Variants in GPM6A observed in about 807,000 individuals in gnomAD.
The protein encoded by GPM6A is glycoprotein M6A.
In GPM6A, 7 loss-of-function variants were observed where a neutral mutation model predicts 32.1. That is an observed-to-expected ratio of 0.22 (90% CI 0.12 to 0.41). GPM6A has a LOEUF of 0.41. GPM6A is among the 10% of genes least tolerant of loss of function. The probability of loss-of-function intolerance (pLI) is 1.00; values close to 1 mark genes in which losing one functional copy is unlikely to be tolerated. For synonymous variants in GPM6A, 130 were observed against 123.4 expected, an observed-to-expected ratio of 1.05 and a Z score of -0.35; for missense variants, 235 against 347.2, an observed-to-expected ratio of 0.68 and a Z score of 2.57.
intron 2 of GPM6A, among the ~76,000 whole-genome samples, chr4:175,681,211 A>C (rs78000018): frequency 1.2e-4 from 18 of 152,160 alleles, no homozygotes; most frequent in African/African-American, 3.4e-4. Context: ...TTGTATTCCA[A>C]CCAGCAGTAT....
intron 2 of GPM6A, among the ~76,000 whole-genome samples, chr4:175,695,553 C>CGAAA (rs948891799): frequency 2.0e-5 from 3 of 152,232 alleles, no homozygotes; most frequent in African/African-American, 7.2e-5. Flanking sequence ...TAGCCCCTTT[C>CGAAA]TTTCAGCTTT....
chr4:175,637,317 A>AT (rs1740755326), intron 6 of GPM6A, among the ~76,000 whole-genome samples: 1 of 85,030 alleles, frequency 1.2e-5, no homozygotes, highest in South Asian at 3.6e-4. Flanking sequence ...TATATAATAT[A>AT]AAATATATAT....
chr4:175,999,944 T>C (rs1414536693), intron 1 of GPM6A, among the ~76,000 whole-genome samples: 1 of 152,152 alleles, frequency 6.6e-6, no homozygotes, highest in Non-Finnish European at 1.5e-5. Context: ...AGAGGAGAGA[T>C]ATGGCCTTAA....
At chr4:175,782,388 A>G (rs1214434018) in intron 1 of GPM6A, among the ~76,000 whole-genome samples, 3 of 152,112 alleles carry the variant, frequency 2.0e-5, no homozygotes, top group Non-Finnish European at 4.4e-5. Flanking sequence ...AGTCACCCTT[A>G]TGCAGAATCT....
intron 1 of GPM6A, among the ~76,000 whole-genome samples, chr4:175,849,565 C>A (rs1417153088): frequency 1.3e-5 from 2 of 151,820 alleles, no homozygotes; most frequent in Non-Finnish European, 2.9e-5. Flanking sequence ...TCTAGACTGC[C>A]CAGATTAACA....
chr4:175,995,526 G>A (rs1451505951), intron 1 of GPM6A, among the ~76,000 whole-genome samples: 1 of 152,114 alleles, frequency 6.6e-6, no homozygotes, highest in Non-Finnish European at 1.5e-5. Flanking sequence ...TTGAAAGAAA[G>A]GCATTCTGGA....
intron 1 of GPM6A, chr4:175,806,224 G>A (rs373259728): frequency 6.6e-6 from 1 of 152,292 alleles, no homozygotes; most frequent in East Asian, 1.9e-4. Flanking sequence ...AATCTCTCAT[G>A]AGCCATTGTC....
intron 1 of GPM6A, among the ~76,000 whole-genome samples, chr4:175,720,815 C>A (rs1056806044): frequency 6.6e-6 from 1 of 151,780 alleles, no homozygotes; most frequent in African/African-American, 2.4e-5. Flanking sequence ...GCAAGAGAAC[C>A]AAAAGATGGA....
At position 175,725,798 on chromosome 4, in the gene GPM6A, A is replaced by G. The variant is rs759843164; in HGVS notation, c.38-24031T>C. On this transcript the variant is annotated intron_variant, in intron 1 of 6. Transcript: ENST00000393658. ...TTGAATCAATATAGAAAAAATTTGT[A>G]TGCTATTTTGCATTTTAATAATTTA... is the stretch of plus-strand genomic sequence containing the variant. Among the ~76,000 whole-genome samples, 2 of 152,140 alleles carry G rather than the reference A, an allele frequency of 1.3e-5. 1 individual carries two copies. The highest frequency in any genetic ancestry group is 1.3e-4 in the Admixed American group (2 of 15,278).
chr4:175,844,677 A>G (rs1457245549), intron 1 of GPM6A, among the ~76,000 whole-genome samples: 1 of 152,190 alleles, frequency 6.6e-6, no homozygotes, highest in Non-Finnish European at 1.5e-5. Flanking sequence ...TTCTGACTCT[A>G]CAAATGATGA....
At chr4:175,932,786 T>C (rs1739093819) in intron 1 of GPM6A, among the ~76,000 whole-genome samples, 2 of 152,130 alleles carry the variant, frequency 1.3e-5, no homozygotes, top group African/African-American at 4.8e-5. Flanking sequence ...AATGAATATT[T>C]GGAATTCTGG....
chr4:175,812,009 G>T, intron 1 of GPM6A, 182 bp downstream of exon 1: 1 of 536,414 alleles, frequency 1.9e-6, no homozygotes. Context: ...TGAAAGATTT[G>T]CAAATAATGA....
Position 175,812,174 on chromosome 4 carries a change from C to A in GPM6A, c.37+17G>T, listed in dbSNP as rs367587263. ...AAATAATTACTTAGTTACAAATAAACGCTTTTAGCACAGTACCTTTTTGTG... is the reference window on the plus strand; with the variant it reads ...AAATAATTACTTAGTTACAAATAAAAGCTTTTAGCACAGTACCTTTTTGTG... On this transcript the variant is annotated intron_variant, in intron 1 of 6. Transcript: ENST00000393658. 2.6e-6 allele frequency: 4 copies of A among 1,542,282 alleles called. No individual in the cohort carries two copies. Among genetic ancestry groups the A allele is most frequent in the Non-Finnish European group, 3.5e-6 (4 of 1,127,088 alleles).
chr4:175,837,009 T>C (rs1050247093), intron 1 of GPM6A, among the ~76,000 whole-genome samples: 1 of 152,132 alleles, frequency 6.6e-6, no homozygotes, highest in African/African-American at 2.4e-5. Flanking sequence ...GATCCTGATA[T>C]GGGAGGATTA....
intron 1 of GPM6A, among the ~76,000 whole-genome samples, chr4:175,941,222 A>C (rs1456736511): frequency 6.6e-6 from 1 of 152,234 alleles, no homozygotes; most frequent in Non-Finnish European, 1.5e-5. Flanking sequence ...CGGTTTCTAA[A>C]TAATGAACAT....
chr4:175,966,433 A>T (rs918814886), intron 1 of GPM6A, among the ~76,000 whole-genome samples: 2 of 148,818 alleles, frequency 1.3e-5, no homozygotes, highest in African/African-American at 4.9e-5. Context: ...TAATATATAT[A>T]TATTTCAAAA....
At chr4:175,691,825 T>A (rs1316685859) in intron 2 of GPM6A, among the ~76,000 whole-genome samples, 1 of 152,194 alleles carries the variant, frequency 6.6e-6, no homozygotes, top group Admixed American at 6.5e-5. Context: ...GGTAGCCCCA[T>A]TGTAATCACA....
intron 1 of GPM6A, among the ~76,000 whole-genome samples, chr4:175,850,125 C>T (rs763558619): frequency 1.6e-4 from 24 of 152,138 alleles, no homozygotes; most frequent in African/African-American, 2.2e-4. Context: ...TTACTCAGCA[C>T]GAAAGAAGAC....
At chr4:175,853,464 GCA>G (rs1736321904) in intron 1 of GPM6A, among the ~76,000 whole-genome samples, 1 of 149,220 alleles carries the variant, frequency 6.7e-6, no homozygotes, top group Non-Finnish European at 1.5e-5. Flanking sequence ...AAATAATAGT[GCA>G]ACACAAATCA....
Sources: allele counts gnomAD v4.1 joint callset (sites outside exome capture counted in the v4.1 genomes callset), GRCh38; gene constraint gnomAD v4.1.1; transcripts MANE v1.5; gene names NCBI Gene and HGNC (gene_info 2026-07-23, HGNC 2026-07-21).